The following PEX7 variants were observed in gnomAD, a reference collection of about 807,000 sequenced individuals.
PEX7 encodes peroxisomal biogenesis factor 7.
In PEX7, 34 loss-of-function variants were observed where a neutral mutation model predicts 47.5. The observed-to-expected ratio is 0.72, with a 90% CI of 0.54 to 0.95. The LOEUF (loss-of-function observed/expected upper bound fraction) is 0.95. Among genes scored for constraint, PEX7 ranks in the 40% least tolerant of loss-of-function variants. The pLI is 0.00. For synonymous variants in PEX7, 141 were observed against 148.8 expected, an observed-to-expected ratio of 0.95 and a Z score of 0.38; for missense variants, 394 against 400.3, an observed-to-expected ratio of 0.98 and a Z score of 0.13.
At chr6:136,897,929 T>C (rs1032165816) in intron 8 of PEX7, among the ~76,000 whole-genome samples, 2 of 151,904 alleles carry the variant, frequency 1.3e-5, no homozygotes, top group Non-Finnish European at 2.9e-5. Context: ...GGTAGATTGA[T>C]GTAGGGTTTT....
chr6:136,871,704 A>G (rs1044203497), intron 7 of PEX7, among the ~76,000 whole-genome samples: 19 of 152,046 alleles, frequency 1.2e-4, no homozygotes, highest in Non-Finnish European at 2.8e-4. Context: ...GATTATAGGC[A>G]TATGTGCCAC....
intron 3 of PEX7, among the ~76,000 whole-genome samples, chr6:136,842,109 C>G (rs1181913336): frequency 6.6e-6 from 1 of 151,950 alleles, no homozygotes; most frequent in African/African-American, 2.4e-5. Context: ...ATTCTCCTGC[C>G]TCAGCCTCCT....
chr6:136,865,158 T>A (rs1775036879), intron 5 of PEX7, among the ~76,000 whole-genome samples: 1 of 152,182 alleles, frequency 6.6e-6, no homozygotes, highest in Admixed American at 6.5e-5. Flanking sequence ...TTTAAATGTT[T>A]TTAGCTTGTT....
intron 7 of PEX7, 44 bp downstream of exon 7, chr6:136,870,047 A>T: frequency 3.4e-6 from 4 of 1,168,034 alleles, no homozygotes; most frequent in Non-Finnish European, 5.0e-6. Context: ...AAAATTATAT[A>T]AATATAATCA....
intron 8 of PEX7, among the ~76,000 whole-genome samples, chr6:136,876,892 T>C (rs542013686): frequency 6.6e-6 from 1 of 152,348 alleles, no homozygotes; most frequent in East Asian, 1.9e-4. Flanking sequence ...TTTCTGATTC[T>C]AGATCCTTGA....
At chr6:136,907,346 A>G (rs1298603473) in intron 9 of PEX7, among the ~76,000 whole-genome samples, 1 of 152,216 alleles carries the variant, frequency 6.6e-6, no homozygotes, top group Non-Finnish European at 1.5e-5. Flanking sequence ...GATTATCATA[A>G]TAAACCATAT....
chr6:136,873,236 T>C (rs1562747273), intron 8 of PEX7, among the ~76,000 whole-genome samples: 1 of 152,192 alleles, frequency 6.6e-6, no homozygotes, highest in African/African-American at 2.4e-5. Context: ...TCATTCTCAT[T>C]CTGCATAATA....
At chr6:136,829,941 G>A (rs1361598581) in intron 3 of PEX7, 1 of 688,964 alleles carries the variant, frequency 1.5e-6, no homozygotes, top group Non-Finnish European at 2.6e-6. Flanking sequence ...TGTCTTAAAA[G>A]AAAGTTATTA....
At chr6:136,882,927 C>T (rs1177122352) in intron 8 of PEX7, among the ~76,000 whole-genome samples, 2 of 152,160 alleles carry the variant, frequency 1.3e-5, no homozygotes, top group South Asian at 2.1e-4. Flanking sequence ...ACTGTCCCAG[C>T]GTACTCTGTG....
chr6:136,874,725 A>T (rs910932209), intron 8 of PEX7, among the ~76,000 whole-genome samples: 1 of 149,760 alleles, frequency 6.7e-6, no homozygotes. Context: ...CTTCTCTTTC[A>T]TTGGTTGTTT....
At chr6:136,834,023 A>C (rs189650937) in intron 3 of PEX7, among the ~76,000 whole-genome samples, 105 of 152,320 alleles carry the variant, frequency 6.9e-4, no homozygotes, top group African/African-American at 2.4e-3. Context: ...ACAACAACAA[A>C]AAAAACAACC....
intron 1 of PEX7, among the ~76,000 whole-genome samples, chr6:136,824,373 G>A (rs986685762): frequency 2.0e-5 from 3 of 151,814 alleles, no homozygotes; most frequent in Non-Finnish European, 4.4e-5. Flanking sequence ...GCTAATTTTT[G>A]ATTTTTTATT....
intron 8 of PEX7, among the ~76,000 whole-genome samples, chr6:136,892,158 A>G (rs1775566843): frequency 6.6e-6 from 1 of 152,214 alleles, no homozygotes; most frequent in Non-Finnish European, 1.5e-5. Flanking sequence ...AGTCCTTGCC[A>G]TGGTAGTTCA....
At chr6:136,859,440 G>A (rs889277603) in intron 5 of PEX7, among the ~76,000 whole-genome samples, 7 of 151,990 alleles carry the variant, frequency 4.6e-5, no homozygotes, top group African/African-American at 1.7e-4. Flanking sequence ...TGCTGTCACA[G>A]ACTCCATCTA....
At chr6:136,829,526 A>C (rs1044247988) in intron 3 of PEX7, among the ~76,000 whole-genome samples, 1 of 152,190 alleles carries the variant, frequency 6.6e-6, no homozygotes, top group African/African-American at 2.4e-5. Flanking sequence ...AGATTTCAAC[A>C]TGTGGGTTTT....
chr6:136,859,351 G>T (rs1396963364), intron 5 of PEX7, among the ~76,000 whole-genome samples: 1 of 152,008 alleles, frequency 6.6e-6, no homozygotes, highest in Non-Finnish European at 1.5e-5. Flanking sequence ...TGAGATAGAA[G>T]GGAAGAATAT....
At chr6:136,839,645 A>T (rs1030643278) in intron 3 of PEX7, among the ~76,000 whole-genome samples, 2 of 152,180 alleles carry the variant, frequency 1.3e-5, no homozygotes, top group South Asian at 4.1e-4. Flanking sequence ...ACCATTTGCC[A>T]TGCCCACTAT....
In PEX7 at chr6:136,909,605, A is replaced by G. The variant is rs141555488; in HGVS notation, c.904-3853A>G. Among the ~76,000 whole-genome samples, 385 of 152,272 alleles carry G rather than the reference A, an allele frequency of 2.5e-3. 2 individuals carry two copies. The South Asian group carries it at 0.04, about 16-fold the overall frequency. ...TAAAGTGCTTTTTTCTTACCTTATT[A>G]TTATTTTCTTTATTGTTAGCTTGCT... On this transcript the variant is annotated intron_variant, in intron 9 of 9. Transcript: ENST00000318471.
At chr6:136,876,503 C>G (rs1183792966) in intron 8 of PEX7, among the ~76,000 whole-genome samples, 17 of 152,282 alleles carry the variant, frequency 1.1e-4, no homozygotes, top group Non-Finnish European at 7.4e-5. Flanking sequence ...CCCCACCCCC[C>G]AAAAGGCCCC....
Sources: allele counts gnomAD v4.1 joint callset (sites outside exome capture counted in the v4.1 genomes callset), GRCh38; gene constraint gnomAD v4.1.1; transcripts MANE v1.5; gene names NCBI Gene and HGNC (gene_info 2026-07-23, HGNC 2026-07-21).